Variants in NDC1 observed in about 807,000 individuals in gnomAD.
NDC1 encodes the protein nucleoporin NDC1.
Under a neutral mutation model 89.8 loss-of-function variants are expected in NDC1, and 24 were observed. That is an observed-to-expected ratio of 0.27 (90% CI 0.19 to 0.38). The LOEUF is 0.38. NDC1 is among the 10% of genes least tolerant of loss of function. The pLI is 1.00. For synonymous variants in NDC1, 296 were observed against 284.8 expected (o/e 1.04, Z -0.39); for missense variants, 728 against 797.6 (o/e 0.91, Z 1.05).
intron 17 of NDC1, 35 bp downstream of exon 17, chr1:53,772,294 T>C (rs901991293): frequency 1.9e-6 from 3 of 1,600,028 alleles, no homozygotes; most frequent in African/African-American, 2.7e-5. Flanking sequence ...CTCCCCAGAA[T>C]AGGTATCATC....
intron 11 of NDC1, among the ~76,000 whole-genome samples, chr1:53,800,332 CTTTTTTTTTT>C (rs1158363485): frequency 2.5e-5 from 2 of 80,646 alleles, no homozygotes; most frequent in African/African-American, 9.7e-5. Context: ...CTACAGTCAT[CTTTTTTTTTT>C]TTTTTTTTTT....
intron 11 of NDC1, among the ~76,000 whole-genome samples, chr1:53,799,576 C>T (rs1305334626): frequency 6.6e-6 from 1 of 152,148 alleles, no homozygotes; most frequent in African/African-American, 2.4e-5. Context: ...TGTTTAACAA[C>T]TGAAAGATTT....
intron 15 of NDC1, among the ~76,000 whole-genome samples, 165 bp downstream of exon 15, chr1:53,788,968 C>T (rs138486885): frequency 1.1e-3 from 159 of 150,742 alleles, no homozygotes; most frequent in African/African-American, 3.7e-3. Context: ...AATCAAAATA[C>T]GCCTAAATAT....
intron 5 of NDC1, among the ~76,000 whole-genome samples, chr1:53,822,566 G>C (rs7519772): frequency 6.6e-6 from 1 of 151,816 alleles, no homozygotes; most frequent in Non-Finnish European, 1.5e-5. Flanking sequence ...ACTGTTACCA[G>C]TTTAGTGTAT....
chr1:53,826,833 C>T (rs1048067848), intron 4 of NDC1, among the ~76,000 whole-genome samples: 8 of 152,046 alleles, frequency 5.3e-5, no homozygotes, highest in South Asian at 2.1e-4. Flanking sequence ...ATCTGAACTC[C>T]GAGTTACAAA....
intron 14 of NDC1, among the ~76,000 whole-genome samples, chr1:53,792,157 T>A (rs113004383): frequency 7.2e-4 from 109 of 152,224 alleles, no homozygotes; most frequent in African/African-American, 2.6e-3. Flanking sequence ...TTAGCCAGGA[T>A]GGTCTTGATC....
chr1:53,782,411 G>A (rs1051985950), intron 16 of NDC1, among the ~76,000 whole-genome samples: 6 of 152,186 alleles, frequency 3.9e-5, no homozygotes, highest in African/African-American at 1.4e-4. Flanking sequence ...TCAAGGACAT[G>A]GGGACAAAGG....
chr1:53,835,663 A>G, intron 1 of NDC1, 43 bp from the exon 2 acceptor site: 1 of 1,561,904 alleles, frequency 6.4e-7, no homozygotes, highest in Non-Finnish European at 8.7e-7. Context: ...AGTCAGTTAA[A>G]TTATTTCAGT....
At chr1:53,772,272 T>C in intron 17 of NDC1, 57 bp downstream of exon 17, 1 of 1,520,620 alleles carries the variant, frequency 6.6e-7, no homozygotes. Context: ...CCATACCTAT[T>C]TCTAAGGAAA....
Position 53,806,435 on chromosome 1 carries a change from G to A in NDC1, c.974C>T (p.Pro325Leu), listed in dbSNP as rs151124002. The A allele has an allele frequency of 9.1e-6, 14 of 1,535,720 alleles. No individual in the cohort carries two copies. Among genetic ancestry groups the A allele is most frequent in the Non-Finnish European group, 1.2e-5 (14 of 1,149,944 alleles). ...ACACAGTTTGGATACCTTTATGATG[G>A]GGGGAGGATTGCTATTTAACACTTT... is the stretch of plus-strand genomic sequence containing the variant. ...LPKVLNSNPP[P>L]IIKYLALQDL... Residue 325 changes from proline (P) to leucine (L), a missense_variant, in exon 9 of 18, where the codon CCC (proline) becomes CTC (leucine). Transcript: ENST00000371429.
At chr1:53,787,115 G>A in intron 16 of NDC1, 43 bp downstream of exon 16, 1 of 984,894 alleles carries the variant, frequency 1.0e-6, no homozygotes. Context: ...TGGGTGGGAG[G>A]GGAAGATGAC....
intron 15 of NDC1, among the ~76,000 whole-genome samples, chr1:53,788,444 G>T (rs548058850): frequency 6.7e-6 from 1 of 149,792 alleles, no homozygotes; most frequent in Admixed American, 6.6e-5. Flanking sequence ...TTTTTTTTTT[G>T]AGATGGAGTT....
chr1:53,796,957 C>T lies in NDC1; in HGVS notation c.1410G>A (p.Gly470=). ...TTATTAGCTGAGGACTTTGCGGTGA[C>T]CCATAGCAGGTGTTTACATCAAAAA... ...AGIFDVNTCY[G]SPQSPQLIRR... The change falls in exon 12 of 18, where the codon GGG becomes GGA. Residue 470 remains glycine, a synonymous_variant. Transcript: ENST00000371429. 1 of 1,614,136 alleles carries T rather than the reference C, an allele frequency of 6.2e-7. No individual in the cohort carries two copies. Among genetic ancestry groups the T allele is most frequent in the Non-Finnish European group, 8.5e-7 (1 of 1,180,020 alleles).
At chr1:53,803,747 A>G (rs1012161671) in intron 10 of NDC1, among the ~76,000 whole-genome samples, 181 bp downstream of exon 10, 1 of 151,942 alleles carries the variant, frequency 6.6e-6, no homozygotes, top group African/African-American at 2.4e-5. Context: ...AATTTTTTGT[A>G]TCTTTAGTAG....
intron 11 of NDC1, among the ~76,000 whole-genome samples, chr1:53,798,551 C>CT (rs377090464): frequency 0.12 from 16,234 of 138,516 alleles, 1,023 homozygotes; most frequent in Non-Finnish European, 0.15. Flanking sequence ...TATGACTTTT[C>CT]TTTTTTTTTT....
intron 16 of NDC1, among the ~76,000 whole-genome samples, chr1:53,779,395 A>G (rs1647186763): frequency 6.6e-6 from 1 of 152,112 alleles, no homozygotes; most frequent in African/African-American, 2.4e-5. Context: ...TCTGAAATGA[A>G]GGTATATGTT....
intron 11 of NDC1, among the ~76,000 whole-genome samples, chr1:53,798,814 C>A (rs1193490542): frequency 2.0e-5 from 3 of 152,180 alleles, no homozygotes; most frequent in Non-Finnish European, 4.4e-5. Flanking sequence ...TTCGGCCTCC[C>A]AAAGTGCTGG....
chr1:53,827,063 TCA>T (rs1648885994), intron 4 of NDC1, among the ~76,000 whole-genome samples: 1 of 152,172 alleles, frequency 6.6e-6, no homozygotes, highest in Non-Finnish European at 1.5e-5. Flanking sequence ...AGTCCTGTAC[TCA>T]CAGTCTTTTA....
At position 53,825,680 on chromosome 1, in the gene NDC1, T is replaced by A. The variant is rs143697483; in HGVS notation, c.594+118A>T. ...TAAATGGCATTTTGAGGATTTCAGT[T>A]CTAAGTGTTGGTTATCAAATCTTGA... On this transcript the variant is annotated intron_variant, in intron 5 of 17. Transcript: ENST00000371429. The A allele has an allele frequency of 3.5e-4, 297 of 838,422 alleles. 1 individual carries two copies. The highest frequency in any genetic ancestry group is 2.8e-3 in the African/African-American group (156 of 56,406). 51.9% of individuals were successfully genotyped at this position (838,422 alleles called of 1,614,324 possible).
Sources: gnomAD v4.1 joint callset for allele counts (sites outside exome capture counted in the v4.1 genomes callset) on GRCh38, gnomAD v4.1.1 for gene constraint, MANE v1.5 for transcripts, NCBI Gene and HGNC (gene_info 2026-07-23, HGNC 2026-07-21) for gene names.